Variants in DPY19L3 observed in about 807,000 individuals in gnomAD.
The protein encoded by DPY19L3 is dpy-19 like C-mannosyltransferase 3, also known as protein C-mannosyl-transferase DPY19L3.
Under a neutral mutation model 92.3 loss-of-function variants are expected in DPY19L3, and 51 were observed. The ratio of observed to expected loss-of-function variants is 0.55; its 90% CI spans 0.44 to 0.70. The LOEUF (loss-of-function observed/expected upper bound fraction) is 0.70, where lower values mean the gene tolerates loss of function less well. Ranked by LOEUF, DPY19L3 falls within the 30% of genes least tolerant of loss-of-function variation. The pLI is 0.00. For synonymous variants in DPY19L3, 309 were observed against 315.2 expected, an observed-to-expected ratio of 0.98 and a Z score of 0.21; for missense variants, 706 against 855.9, an observed-to-expected ratio of 0.82 and a Z score of 2.18.
Position 32,406,659 on chromosome 19 carries a change from T to A in DPY19L3, c.-38+750T>A, listed in dbSNP as rs143838028. On this transcript the variant is annotated intron_variant, in intron 1 of 18. Coordinates refer to ENST00000392250, the MANE Select transcript of DPY19L3 (RefSeq NM_001172774.2). ...CGCCTCGCCCGGCTAGCGCTAGTCG[T>A]CCTTATTAATAAAGAATCGCTTCTG... is the stretch of plus-strand genomic sequence containing the variant. Among the ~76,000 whole-genome samples, 35 of 152,300 alleles carry A rather than the reference T, an allele frequency of 2.3e-4. No individual in the cohort carries two copies. In the East Asian group the frequency reaches 6.6e-3, roughly 29 times the overall value.
intron 11 of DPY19L3, 31 bp from the exon 12 acceptor site, chr19:32,458,320 T>C (rs1388723597): frequency 6.2e-7 from 1 of 1,605,030 alleles, no homozygotes; most frequent in Non-Finnish European, 8.5e-7. Flanking sequence ...TTATATTGAA[T>C]TTAATACTTT....
chr19:32,480,906 A>G (rs1318070647), intron 18 of DPY19L3: 3 of 435,864 alleles, frequency 6.9e-6, no homozygotes, highest in African/African-American at 2.0e-5. Context: ...CACTGCTCCA[A>G]CGCTTCGTAT....
chr19:32,446,645 G>A (rs1188880490), intron 8 of DPY19L3, among the ~76,000 whole-genome samples: 2 of 152,102 alleles, frequency 1.3e-5, no homozygotes, highest in African/African-American at 2.4e-5. Context: ...ATGATAAAAC[G>A]TTCAATGTAC....
In DPY19L3 at chr19:32,428,888, C is replaced by A. The variant is rs1302517085; in HGVS notation, c.238-3828C>A. Among the ~76,000 whole-genome samples the A allele has an allele frequency of 1.1e-4, 17 of 150,916 alleles. No individual in the cohort carries two copies. In the East Asian group the frequency reaches 2.1e-3, roughly 19 times the overall value. The stretch of plus-strand genomic sequence containing the variant: ...TTTGAGACGGAGTCTCACTCTGTCT[C>A]CCAGGCTGGAGTGCAGTGGTGCGAT... On this transcript the variant is annotated intron_variant, in intron 3 of 18. Coordinates refer to ENST00000392250, the MANE Select transcript of DPY19L3 (RefSeq NM_001172774.2).
Position 32,439,894 on chromosome 19 carries a change from T to TG in DPY19L3, c.840dup (p.Leu281AlafsTer27). On this transcript the variant is annotated frameshift_variant, in exon 8 of 19. Transcript: ENST00000392250. LOFTEE classifies it high-confidence loss of function. The stretch of plus-strand genomic sequence containing the variant: ...CTGTTCACACTGGACTCCCTGGACA[T>TG]GCTGCCAGCAGTGAAGGTGAGCTTT... The TG allele has an allele frequency of 6.2e-7, 1 of 1,613,160 alleles. No individual in the cohort carries two copies. Among genetic ancestry groups the TG allele is most frequent in the Non-Finnish European group, 8.5e-7 (1 of 1,179,634 alleles).
intron 18 of DPY19L3, chr19:32,481,625 A>G (rs1476737): frequency 0.57 from 87,317 of 152,230 alleles, 25,603 homozygotes; most frequent in Non-Finnish European, 0.64. Context: ...TATGTTGCCC[A>G]GATGAGTCTC....
chr19:32,478,081 G>C (rs914801953), intron 17 of DPY19L3, among the ~76,000 whole-genome samples: 1 of 152,312 alleles, frequency 6.6e-6, no homozygotes, highest in East Asian at 1.9e-4. Context: ...CATCATGTGG[G>C]ACTTCAAGAT....
intron 17 of DPY19L3, 56 bp downstream of exon 17, chr19:32,477,710 T>C (rs1970554440): frequency 6.2e-7 from 1 of 1,605,200 alleles, no homozygotes; most frequent in South Asian, 1.1e-5. Context: ...GGGCTGCGTG[T>C]CCCTATGTGT....
intron 3 of DPY19L3, among the ~76,000 whole-genome samples, chr19:32,426,606 G>A (rs780681395): frequency 1.3e-5 from 2 of 152,208 alleles, no homozygotes; most frequent in African/African-American, 4.8e-5. Flanking sequence ...GGCCTGGGGA[G>A]AGGAAATGAG....
At chr19:32,407,569 G>A (rs1051393877) in intron 1 of DPY19L3, among the ~76,000 whole-genome samples, 1 of 152,168 alleles carries the variant, frequency 6.6e-6, no homozygotes, top group East Asian at 1.9e-4. Flanking sequence ...GTGACGCATT[G>A]CGTGGTAACT....
intron 13 of DPY19L3, among the ~76,000 whole-genome samples, 157 bp from the exon 14 acceptor site, chr19:32,463,712 G>A (rs1332176560): frequency 6.6e-6 from 1 of 152,200 alleles, no homozygotes; most frequent in African/African-American, 2.4e-5. Context: ...TGAAAAGGCA[G>A]TGGAGTTAAA....
rs151165240 is a variant in DPY19L3, at chr19:32,458,505, C to T, written c.1318C>T (p.Leu440Phe). The change falls in exon 12 of 19, where the codon CTC (leucine) becomes TTC (phenylalanine). Residue 440 changes from leucine (L) to phenylalanine (F), a missense_variant. By Grantham distance (22) the Leu-to-Phe change is conservative. Coordinates refer to ENST00000392250, the MANE Select transcript of DPY19L3 (RefSeq NM_001172774.2). ...IVAFVVAFHNLSDSTNQQSVG... is the reference protein window; with the variant it reads ...IVAFVVAFHNFSDSTNQQSVG... ...AGCATTCGTTGTTGCCTTTCATAAT[C>T]TCAGGTATGGTATATTTCAGAAATC... 6.8e-6 allele frequency: 11 copies of T among 1,607,894 alleles called. No individual in the cohort carries two copies. The highest frequency in any genetic ancestry group is 8.5e-7 in the Non-Finnish European group (1 of 1,178,596).
chr19:32,448,496 A>G (rs971433175), intron 8 of DPY19L3, among the ~76,000 whole-genome samples: 2 of 152,230 alleles, frequency 1.3e-5, no homozygotes, highest in African/African-American at 4.8e-5. Context: ...AGCCTTACCA[A>G]TAACATAGTT....
In DPY19L3 at chr19:32,418,614, G is replaced by A. The variant is rs1053537849; in HGVS notation, c.237+7242G>A. 6.6e-5 allele frequency among the ~76,000 whole-genome samples: 10 copies of A among 152,246 alleles called. No individual in the cohort carries two copies. In the East Asian group the frequency reaches 1.7e-3, roughly 26 times the overall value. On this transcript the variant is annotated intron_variant, in intron 3 of 18. Transcript: ENST00000392250. ...CCAAAGAAAAGCTCATTTTTGGAGT[G>A]TATATTCCTTTATAAATCTCCTGTA...
chr19:32,457,684 C>T (rs1285484102), intron 10 of DPY19L3, among the ~76,000 whole-genome samples: 1 of 152,206 alleles, frequency 6.6e-6, no homozygotes, highest in East Asian at 1.9e-4. Context: ...ATTGTATCCA[C>T]AGACCAAAAG....
chr19:32,465,250 G>T (rs898692703), intron 15 of DPY19L3, among the ~76,000 whole-genome samples: 1 of 152,130 alleles, frequency 6.6e-6, no homozygotes, highest in African/African-American at 2.4e-5. Context: ...TTTAAAATCT[G>T]TTCTTCAGTA....
rs1047441015 is a variant in DPY19L3 at position 32,436,660 on chromosome 19, C to G, written c.450+93C>G. The G allele has an allele frequency of 2.6e-6, 3 of 1,156,050 alleles. No individual in the cohort carries two copies. In the East Asian group the frequency reaches 8.1e-5, roughly 31 times the overall value. The allele number at this position is 1,156,050 out of a possible 1,614,324, so 71.6% of individuals were successfully genotyped here. A position where few individuals can be genotyped will look rare whatever the true frequency, so the allele number is the denominator to read the frequency against. ...TTATCACATCGTTCTTTCTGATCTT[C>G]AACTGGTTTAGTAGAAAATCAGCAA... On this transcript the variant is annotated intron_variant, in intron 5 of 18. Transcript: ENST00000392250.
At chr19:32,461,622 G>A (rs1163718026) in intron 12 of DPY19L3, among the ~76,000 whole-genome samples, 6 of 152,286 alleles carry the variant, frequency 3.9e-5, no homozygotes. Flanking sequence ...GGTGAGAACT[G>A]CCTTAGAGTA....
intron 3 of DPY19L3, among the ~76,000 whole-genome samples, chr19:32,418,688 CTTTCCTTTCCTG>C (rs1968459245): frequency 1.3e-5 from 2 of 152,114 alleles, no homozygotes; most frequent in South Asian, 4.1e-4. Flanking sequence ...AGTAAATCTG[CTTTCCTTTCCTG>C]TTTTGGGGTT....
Sources: gnomAD v4.1 joint callset for allele counts (sites outside exome capture counted in the v4.1 genomes callset) on GRCh38, gnomAD v4.1.1 for gene constraint, MANE v1.5 for transcripts, NCBI Gene and HGNC (gene_info 2026-07-23, HGNC 2026-07-21) for gene names.